MMP24: variants seen among roughly 807,000 people sequenced by gnomAD.
MMP24 encodes the protein matrix metalloproteinase-24.
In MMP24, 25 loss-of-function variants were observed where a neutral mutation model predicts 62.8. The ratio of observed to expected loss-of-function variants is 0.40; its 90% confidence interval spans 0.29 to 0.56. The LOEUF is 0.56. MMP24 is among the 20% of genes least tolerant of loss of function. The pLI is 0.50. For synonymous variants in MMP24, 319 were observed against 350.5 expected (o/e 0.91, Z 1.00); for missense variants, 634 against 853.6 (o/e 0.74, Z 3.21).
intron 1 of MMP24, among the ~76,000 whole-genome samples, chr20:35,234,499 T>A (rs931327410): frequency 7.2e-5 from 11 of 152,172 alleles, no homozygotes; most frequent in African/African-American, 2.4e-4. Context: ...TGGGAGCACA[T>A]AGAAAGTCCA....
At chr20:35,244,659 C>T (rs1256753445) in intron 1 of MMP24, among the ~76,000 whole-genome samples, 3 of 152,102 alleles carry the variant, frequency 2.0e-5, no homozygotes, top group South Asian at 2.1e-4. Flanking sequence ...AGGCTGGTCT[C>T]GAACTCCTGA....
chr20:35,258,062 A>G (rs2060583684), intron 4 of MMP24, among the ~76,000 whole-genome samples: 2 of 152,104 alleles, frequency 1.3e-5, no homozygotes, highest in Admixed American at 6.5e-5. Context: ...ATTATGGAAA[A>G]TTTCAAACTC....
intron 8 of MMP24, among the ~76,000 whole-genome samples, chr20:35,272,646 CAGG>C (rs1449043486): frequency 3.3e-5 from 5 of 152,202 alleles, no homozygotes; most frequent in Admixed American, 2.0e-4. Context: ...AGGAGCTTCT[CAGG>C]AGGAGCTGCT....
chr20:35,267,265 T>G lies in MMP24; in HGVS notation c.1040T>G (p.Ile347Ser). Residue 347 changes from isoleucine to serine, a missense_variant, in exon 6 of 9, where the codon ATC (isoleucine) becomes AGC (serine). This residue lies in a region of MMP24 where 399 missense variants were observed against 530.8 expected (regional missense o/e 0.75). Coordinates refer to ENST00000246186, the MANE Select transcript of MMP24 (RefSeq NM_006690.4). Reference sequence around the variant, plus strand: ...CTCCCTACACTCCCCGTCCGCAGGATCCACTCACCATCGGAGAGGAAACAC... The same window carrying G: ...CTCCCTACACTCCCCGTCCGCAGGAGCCACTCACCATCGGAGAGGAAACAC... ...RPLPTLPVRR[I>S]HSPSERKHER... 1 of 1,606,740 alleles carries G rather than the reference T, an allele frequency of 6.2e-7. No individual in the cohort carries two copies. Among genetic ancestry groups the G allele is most frequent in the Non-Finnish European group, 8.5e-7 (1 of 1,176,968 alleles).
chr20:35,238,003 C>T (rs1030698052), intron 1 of MMP24, among the ~76,000 whole-genome samples: 1 of 152,188 alleles, frequency 6.6e-6, no homozygotes, highest in African/African-American at 2.4e-5. Flanking sequence ...GAAGAATGAT[C>T]TTAGGCCACC....
At chr20:35,248,471 A>AT (rs1200062372) in intron 2 of MMP24, among the ~76,000 whole-genome samples, 5 of 151,524 alleles carry the variant, frequency 3.3e-5, no homozygotes, top group East Asian at 3.9e-4. Flanking sequence ...ATGCTGGCTA[A>AT]TTTTTTTTGT....
intron 1 of MMP24, among the ~76,000 whole-genome samples, chr20:35,246,317 T>G (rs2060514615): frequency 6.6e-6 from 1 of 151,016 alleles, no homozygotes; most frequent in South Asian, 2.1e-4. Context: ...ATACAAAAAA[T>G]TTTACAAAAA....
chr20:35,274,605 TGTGAGCA>T lies in MMP24; in HGVS notation c.1936_*4del, dbSNP rs751924783. On this transcript the variant is annotated stop_lost and 3_prime_UTR_variant, in exon 9 of 9. Coordinates refer to ENST00000246186, the MANE Select transcript of MMP24 (RefSeq NM_006690.4). This position sits in a 1 kb window ranked among gnomAD's most constrained non-coding sequence, Gnocchi z 5.1. ...TATAAGCGGCCAGTCCAGGAATGGG[TGTGAGCA>T]GCCCAGAGCCCTCTCTATCCACTTG... 2.5e-6 allele frequency: 4 copies of T among 1,607,018 alleles called. No individual in the cohort carries two copies. The highest frequency in any genetic ancestry group is 3.4e-6 in the Non-Finnish European group (4 of 1,176,444).
At chr20:35,239,929 G>A (rs1467741466) in intron 1 of MMP24, among the ~76,000 whole-genome samples, 5 of 152,198 alleles carry the variant, frequency 3.3e-5, no homozygotes, top group Admixed American at 3.3e-4. Context: ...GCCATACCCT[G>A]ACATAGCACA....
chr20:35,275,882 A>C lies in MMP24; in HGVS notation c.*1273A>C. 1 of 397,356 alleles carries C rather than the reference A, an allele frequency of 2.5e-6. No homozygotes were observed. Among genetic ancestry groups the C allele is most frequent in the Non-Finnish European group, 4.4e-6 (1 of 225,892 alleles). The allele number at this position is 397,356 out of a possible 1,614,324, so 24.6% of individuals were successfully genotyped here. On this transcript the variant is annotated 3_prime_UTR_variant, in exon 9 of 9. Coordinates refer to ENST00000246186, the MANE Select transcript of MMP24 (RefSeq NM_006690.4). ...CCAAGCTGAGGGGGCTCCCTTTTTG[A>C]CCTTCACTGGCCCGCCCTTCACTGT...
rs1305364476 is a variant in MMP24 at position 35,274,594 on chromosome 20, C to T, written c.1923C>T (p.Val641=). ...CTGTCACCTACTATAAGCGGCCAGT[C>T]CAGGAATGGGTGTGAGCAGCCCAGA... is the stretch of plus-strand genomic sequence containing the variant. ...PQPVTYYKRP[V]QEWV is the part of the protein sequence containing the mutation. The change falls in exon 9 of 9, where the codon GTC becomes GTT. Residue 641 remains valine (V), a synonymous_variant. Coordinates refer to ENST00000246186, the MANE Select transcript of MMP24 (RefSeq NM_006690.4). This position sits in a 1 kb window ranked among gnomAD's most constrained non-coding sequence, Gnocchi z 5.1. 2 of 1,611,640 alleles carry T rather than the reference C, an allele frequency of 1.2e-6. No homozygotes were observed. The highest frequency in any genetic ancestry group is 1.7e-6 in the Non-Finnish European group (2 of 1,178,714).
intron 5 of MMP24, among the ~76,000 whole-genome samples, chr20:35,265,393 G>T (rs552904494): frequency 6.6e-6 from 1 of 150,862 alleles, no homozygotes; most frequent in African/African-American, 2.4e-5. Context: ...AGTGAGCTGA[G>T]ATCACACCAC....
intron 8 of MMP24, among the ~76,000 whole-genome samples, chr20:35,272,537 G>C (rs940943316): frequency 1.3e-5 from 2 of 152,164 alleles, no homozygotes; most frequent in Non-Finnish European, 2.9e-5. Context: ...TGCATCAAGA[G>C]AGAAACTTTT....
At chr20:35,250,880 C>T (rs2060541695) in intron 2 of MMP24, among the ~76,000 whole-genome samples, 1 of 152,180 alleles carries the variant, frequency 6.6e-6, no homozygotes, top group Non-Finnish European at 1.5e-5. Context: ...CAGGCCCCGC[C>T]TCCAACAGAG....
chr20:35,268,076 T>C (rs1049267849), intron 6 of MMP24: 6 of 152,356 alleles, frequency 3.9e-5, no homozygotes, highest in Non-Finnish European at 8.8e-5. Flanking sequence ...GAGGGAGAGG[T>C]TAAGTGGCAA....
Position 35,267,354 on chromosome 20 carries a change from C to A in MMP24, c.1129C>A (p.Pro377Thr). ...CCGGCCATCCACACCAGGCACCAAA[C>A]CCAACATCTGTGACGGCAACTTCAA... is the stretch of plus-strand genomic sequence containing the variant. ...GDRPSTPGTK[P>T]NICDGNFNTV... The change falls in exon 6 of 9, where the codon CCC (proline) becomes ACC (threonine). Residue 377 changes from proline to threonine, a missense_variant. By Grantham distance (38) the Pro-to-Thr change is conservative. Transcript: ENST00000246186. The A allele has an allele frequency of 1.3e-6, 2 of 1,582,240 alleles. No individual in the cohort carries two copies. Among genetic ancestry groups the A allele is most frequent in the Non-Finnish European group, 8.6e-7 (1 of 1,164,728 alleles).
At chr20:35,255,388 G>A (rs944146295) in intron 4 of MMP24, among the ~76,000 whole-genome samples, 1 of 152,064 alleles carries the variant, frequency 6.6e-6, no homozygotes, top group Admixed American at 6.6e-5. Context: ...AAAGTAGTAG[G>A]CTCTGGCCTG....
Position 35,246,999 on chromosome 20 carries a change from CA to C in MMP24, c.395+12del. The C allele has an allele frequency of 6.2e-7, 1 of 1,613,962 alleles. No individual in the cohort carries two copies. The highest frequency in any genetic ancestry group is 8.5e-7 in the Non-Finnish European group (1 of 1,179,836). ...TCAGACAACGATCGAGTAAGATTTC[CA>C]TAGGACATTGTGCCTTTGAACTTTC... On this transcript the variant is annotated intron_variant, in intron 2 of 8. Transcript: ENST00000246186.
intron 3 of MMP24, 115 bp downstream of exon 3, chr20:35,252,136 A>C: frequency 1.2e-6 from 1 of 820,182 alleles, no homozygotes; most frequent in South Asian, 1.5e-5. Context: ...GGCTTACAAC[A>C]TAGGCCAAGA....
Sources: allele counts gnomAD v4.1 joint callset (sites outside exome capture counted in the v4.1 genomes callset), GRCh38; gene constraint gnomAD v4.1.1; regional missense constraint gnomAD v4.1.1; non-coding constraint Gnocchi (gnomAD v3.1); transcripts MANE v1.5; gene names NCBI Gene and HGNC (gene_info 2026-07-23, HGNC 2026-07-21).